The following NAV2 variants were observed in gnomAD, a reference collection of about 807,000 sequenced individuals.
The protein encoded by NAV2 is helicase, APC down-regulated 1.
In NAV2, 54 loss-of-function variants were observed where a neutral mutation model predicts 223.2. The observed-to-expected ratio is 0.24, with a 90% confidence interval of 0.19 to 0.30. NAV2 has a LOEUF of 0.30. NAV2 is among the 10% of genes least tolerant of loss of function. The probability of loss-of-function intolerance (pLI) is 1.00; values close to 1 mark genes in which losing one functional copy is unlikely to be tolerated. For missense variants in NAV2, 2,806 were observed against 3,147.5 expected, an observed-to-expected ratio of 0.89 and a Z score of 2.60; for synonymous variants, 1,279 against 1,239.3, an observed-to-expected ratio of 1.03 and a Z score of -0.67.
chr11:19,906,038 T>A (rs1000940993), intron 6 of NAV2, among the ~76,000 whole-genome samples: 2 of 152,116 alleles, frequency 1.3e-5, no homozygotes, highest in Middle Eastern at 3.2e-3. Context: ...CCAAGGCTGA[T>A]GGGACGGTCT....
chr11:19,510,394 C>T (rs1206507053), intron 1 of NAV2, among the ~76,000 whole-genome samples: 1 of 152,222 alleles, frequency 6.6e-6, no homozygotes, highest in Non-Finnish European at 1.5e-5. Flanking sequence ...GATTTCTTGT[C>T]TCCTTCTCTG....
chr11:19,443,884 G>A (rs991627829), intron 1 of NAV2, among the ~76,000 whole-genome samples: 6 of 152,144 alleles, frequency 3.9e-5, no homozygotes, highest in East Asian at 1.9e-4. Context: ...GTATAGATGC[G>A]TAGTGAGTGT....
At chr11:19,980,072 A>G (rs1429057160) in intron 10 of NAV2, among the ~76,000 whole-genome samples, 1 of 152,236 alleles carries the variant, frequency 6.6e-6, no homozygotes, top group Non-Finnish European at 1.5e-5. Context: ...AGCAAGGGGC[A>G]GAGAAGGCAT....
chr11:19,508,855 G>A (rs1403890055), intron 1 of NAV2, among the ~76,000 whole-genome samples: 1 of 152,114 alleles, frequency 6.6e-6, no homozygotes, highest in African/African-American at 2.4e-5. Context: ...TCTGCCCTGG[G>A]GGAAAAGCTT....
At chr11:19,889,249 T>C (rs1373244919) in intron 5 of NAV2, among the ~76,000 whole-genome samples, 1 of 152,168 alleles carries the variant, frequency 6.6e-6, no homozygotes, top group African/African-American at 2.4e-5. Context: ...ACACAGTCAT[T>C]ATGGCCTTTG....
At chr11:19,919,545 G>A (rs2044095116) in intron 6 of NAV2, among the ~76,000 whole-genome samples, 1 of 152,188 alleles carries the variant, frequency 6.6e-6, no homozygotes, top group South Asian at 2.1e-4. Context: ...GTCAGCTTGG[G>A]CAGGGCCGTG....
chr11:19,574,283 TTTTATGTTTA>T (rs1352879646), intron 1 of NAV2, among the ~76,000 whole-genome samples: 1 of 152,160 alleles, frequency 6.6e-6, no homozygotes, highest in Non-Finnish European at 1.5e-5. Context: ...ATGTTAGATA[TTTTATGTTTA>T]TTATGATTTA....
At chr11:19,716,180 G>A (rs2050292688) in intron 1 of NAV2, among the ~76,000 whole-genome samples, 1 of 152,142 alleles carries the variant, frequency 6.6e-6, no homozygotes, top group South Asian at 2.1e-4. Flanking sequence ...GAATTAAATG[G>A]CAAATGCTCT....
chr11:19,436,557 A>C (rs992812458), intron 1 of NAV2, among the ~76,000 whole-genome samples: 1 of 151,856 alleles, frequency 6.6e-6, no homozygotes, highest in African/African-American at 2.4e-5. Flanking sequence ...TGCTTTGGCT[A>C]TTTGGGGTCT....
intron 1 of NAV2, among the ~76,000 whole-genome samples, chr11:19,354,178 C>A (rs571917382): frequency 3.9e-5 from 6 of 152,306 alleles, no homozygotes; most frequent in African/African-American, 7.2e-5. Context: ...GTGCCAGGCA[C>A]CTTTCTAAGA....
At chr11:19,949,389 G>A (rs905475504) in intron 10 of NAV2, among the ~76,000 whole-genome samples, 1 of 152,182 alleles carries the variant, frequency 6.6e-6, no homozygotes, top group African/African-American at 2.4e-5. Context: ...CGGCCTCCCC[G>A]GGCCTATGAG....
intron 1 of NAV2, among the ~76,000 whole-genome samples, chr11:19,569,537 C>T (rs2045362386): frequency 6.6e-6 from 1 of 152,176 alleles, no homozygotes; most frequent in East Asian, 1.9e-4. Flanking sequence ...CTGTCCCATC[C>T]TGCCTTCTGC....
chr11:20,097,853 G>A (rs1449799812), intron 31 of NAV2, 108 bp downstream of exon 31: 11 of 1,015,692 alleles, frequency 1.1e-5, no homozygotes, highest in Non-Finnish European at 1.6e-5. Context: ...TGTATTTGTG[G>A]GCTGCTTGTC....
At chr11:19,533,808 G>A (rs2044103020) in intron 1 of NAV2, among the ~76,000 whole-genome samples, 1 of 132,380 alleles carries the variant, frequency 7.6e-6, no homozygotes, top group African/African-American at 4.0e-5. Flanking sequence ...CCGGGTTCAC[G>A]CCATTCTCCT....
intron 11 of NAV2, among the ~76,000 whole-genome samples, chr11:20,015,996 C>A (rs72918735): frequency 6.6e-6 from 1 of 152,144 alleles, no homozygotes; most frequent in Admixed American, 6.5e-5. Flanking sequence ...TGTATGACTA[C>A]GAGCAAATCA....
At chr11:19,752,416 T>C (rs779769787) in intron 1 of NAV2, among the ~76,000 whole-genome samples, 30 of 152,204 alleles carry the variant, frequency 2.0e-4, no homozygotes, top group Non-Finnish European at 3.5e-4. Flanking sequence ...TCAACTTCCT[T>C]TCTCATTTCA....
chr11:20,088,144 C>T (rs2060574798), intron 26 of NAV2, among the ~76,000 whole-genome samples: 1 of 152,148 alleles, frequency 6.6e-6, no homozygotes, highest in Non-Finnish European at 1.5e-5. Context: ...GGATTAGGGA[C>T]TAAAGCTTAG....
chr11:19,533,948 C>G lies in NAV2; in HGVS notation c.75+182921C>G, dbSNP rs375093470. On this transcript the variant is annotated intron_variant, in intron 1 of 37. Transcript: ENST00000360655. ...GTCTCGATCTCCTGACCTCGTGATC[C>G]GCCCGCCTCGGCCTCCCAAAGTGCT... is the stretch of plus-strand genomic sequence containing the variant. Among the ~76,000 whole-genome samples, 262 of 132,532 alleles carry G rather than the reference C, an allele frequency of 2.0e-3. 42 individuals carry two copies. Among genetic ancestry groups the G allele is most frequent in the African/African-American group, 0.011 (252 of 22,918 alleles). The allele number at this position is 132,532 out of a possible 152,430, so 86.9% of individuals were successfully genotyped here. A position where few individuals can be genotyped will look rare whatever the true frequency, so the allele number is the denominator to read the frequency against.
At chr11:19,776,887 C>T (rs1256312278) in intron 1 of NAV2, among the ~76,000 whole-genome samples, 2 of 151,986 alleles carry the variant, frequency 1.3e-5, no homozygotes, top group Admixed American at 6.6e-5. Flanking sequence ...CCCCTTCCCC[C>T]GGCCTCACCC....
Sources: allele counts gnomAD v4.1 joint callset (sites outside exome capture counted in the v4.1 genomes callset), GRCh38; gene constraint gnomAD v4.1.1; transcripts MANE v1.5; gene names NCBI Gene and HGNC (gene_info 2026-07-23, HGNC 2026-07-21).